Variants in PLEKHA7 observed in about 807,000 individuals in gnomAD.
The protein encoded by PLEKHA7 is pleckstrin homology domain containing A7, also known as pleckstrin homology domain-containing family A member 7.
A neutral mutation model predicts 170.0 loss-of-function variants in PLEKHA7; 104 were observed. The observed-to-expected ratio is 0.61, with a 90% CI of 0.52 to 0.72. The LOEUF is 0.72. PLEKHA7 is among the 30% of genes least tolerant of loss of function. The pLI is 0.00. For missense variants in PLEKHA7, 1,615 were observed against 1,671.7 expected, an observed-to-expected ratio of 0.97 and a Z score of 0.59; for synonymous variants, 648 against 660.8, an observed-to-expected ratio of 0.98 and a Z score of 0.30.
chr11:16,861,477 C>G (rs980195871), intron 4 of PLEKHA7, among the ~76,000 whole-genome samples: 1 of 151,920 alleles, frequency 6.6e-6, no homozygotes, highest in Non-Finnish European at 1.5e-5. Flanking sequence ...AATGAGACCC[C>G]GTCTCTATGA....
intron 3 of PLEKHA7, among the ~76,000 whole-genome samples, chr11:17,011,397 C>A (rs533671377): frequency 1.8e-4 from 28 of 152,076 alleles, no homozygotes; most frequent in Non-Finnish European, 4.1e-4. Context: ...CAATCTCCCA[C>A]CAAAAAAAAG....
intron 3 of PLEKHA7, among the ~76,000 whole-genome samples, chr11:16,893,605 T>C (rs1431447923): frequency 6.6e-6 from 1 of 152,158 alleles, no homozygotes; most frequent in Non-Finnish European, 1.5e-5. Flanking sequence ...TGGTAACTTT[T>C]CCCATTGCCT....
chr11:16,779,395 G>A (rs747199170), intron 26 of PLEKHA7, among the ~76,000 whole-genome samples: 57 of 152,192 alleles, frequency 3.7e-4, no homozygotes, highest in Non-Finnish European at 6.0e-4. Context: ...TTCTTAACAA[G>A]GATGCTTTGA....
At chr11:17,006,551 C>A (rs546697372) in intron 3 of PLEKHA7, among the ~76,000 whole-genome samples, 8 of 148,788 alleles carry the variant, frequency 5.4e-5, no homozygotes, top group African/African-American at 2.0e-4. Context: ...TCGCTTGAAC[C>A]CGGGAAGCAG....
chr11:16,781,140 G>T, intron 26 of PLEKHA7: 5 of 459,560 alleles, frequency 1.1e-5, no homozygotes, highest in Non-Finnish European at 1.4e-5. Flanking sequence ...AGGCTGGGGT[G>T]GCATGGGCCC....
At chr11:17,007,266 A>T (rs1215325476) in intron 3 of PLEKHA7, among the ~76,000 whole-genome samples, 1 of 152,204 alleles carries the variant, frequency 6.6e-6, no homozygotes, top group East Asian at 1.9e-4. Context: ...TAACTATAAA[A>T]TTTATGCTAA....
intron 19 of PLEKHA7, among the ~76,000 whole-genome samples, chr11:16,794,196 C>G (rs767591919): frequency 5.9e-5 from 9 of 151,846 alleles, no homozygotes; most frequent in African/African-American, 9.7e-5. Flanking sequence ...CTCTGCAGAT[C>G]ACAAACTCCA....
At chr11:16,897,730 A>G (rs1857085267) in intron 3 of PLEKHA7, among the ~76,000 whole-genome samples, 1 of 152,190 alleles carries the variant, frequency 6.6e-6, no homozygotes, top group African/African-American at 2.4e-5. Flanking sequence ...AGGAACACAA[A>G]GCAATTAGAA....
intron 3 of PLEKHA7, among the ~76,000 whole-genome samples, chr11:16,917,481 T>C (rs1858773499): frequency 6.6e-6 from 1 of 152,228 alleles, no homozygotes; most frequent in Non-Finnish European, 1.5e-5. Context: ...GCCGTGCTCC[T>C]CAGGAGGCCC....
chr11:16,928,536 C>T (rs970022261), intron 3 of PLEKHA7, among the ~76,000 whole-genome samples: 9 of 151,482 alleles, frequency 5.9e-5, no homozygotes, highest in Non-Finnish European at 8.8e-5. Flanking sequence ...ACTGCAGCCT[C>T]GACCTCCCAG....
intron 17 of PLEKHA7, among the ~76,000 whole-genome samples, chr11:16,800,276 T>C (rs1848505925): frequency 6.6e-6 from 1 of 152,052 alleles, no homozygotes; most frequent in South Asian, 2.1e-4. Flanking sequence ...AGCACCACAG[T>C]GGGGGAACAC....
At chr11:16,828,896 A>T (rs1850878020) in intron 9 of PLEKHA7, among the ~76,000 whole-genome samples, 1 of 152,258 alleles carries the variant, frequency 6.6e-6, no homozygotes, top group South Asian at 2.1e-4. Flanking sequence ...GTTAACACAA[A>T]GGAAAGCAGA....
intron 3 of PLEKHA7, among the ~76,000 whole-genome samples, chr11:16,935,399 G>A (rs983617219): frequency 1.1e-4 from 16 of 152,234 alleles, no homozygotes; most frequent in Admixed American, 9.2e-4. Context: ...TCCAGCCTGG[G>A]TGACAGAGTG....
intron 8 of PLEKHA7, chr11:16,842,517 T>A (rs1166489054): frequency 6.7e-6 from 1 of 148,602 alleles, no homozygotes; most frequent in Non-Finnish European, 1.5e-5. Flanking sequence ...GTGGACAGAG[T>A]TGACCAACAG....
chr11:16,855,143 G>A, intron 5 of PLEKHA7, 150 bp from the exon 6 acceptor site: 1 of 644,958 alleles, frequency 1.6e-6, no homozygotes. Flanking sequence ...CAGGGAACGG[G>A]CGTGCACATG....
chr11:16,902,686 G>C (rs555484230), intron 3 of PLEKHA7, among the ~76,000 whole-genome samples: 4 of 152,232 alleles, frequency 2.6e-5, no homozygotes, highest in Non-Finnish European at 5.9e-5. Flanking sequence ...TCTGGACAGA[G>C]ACACTCCCTG....
At chr11:16,915,867 G>A (rs1858628058) in intron 3 of PLEKHA7, among the ~76,000 whole-genome samples, 1 of 149,208 alleles carries the variant, frequency 6.7e-6, no homozygotes, top group African/African-American at 2.5e-5. Context: ...TAGTCCTTTG[G>A]GTATATACCC....
intron 3 of PLEKHA7, among the ~76,000 whole-genome samples, chr11:16,896,807 T>C (rs1043911126): frequency 5.3e-5 from 8 of 152,180 alleles, no homozygotes; most frequent in Non-Finnish European, 7.3e-5. Context: ...GCTCCAGGGG[T>C]GTCTCAGTAT....
intron 4 of PLEKHA7, among the ~76,000 whole-genome samples, chr11:16,860,864 C>T (rs1015996171): frequency 6.6e-6 from 1 of 152,168 alleles, no homozygotes; most frequent in East Asian, 1.9e-4. Context: ...CTGACTCCTC[C>T]ACAAGTCACA....
Sources: allele counts gnomAD v4.1 joint callset (sites outside exome capture counted in the v4.1 genomes callset), GRCh38; gene constraint gnomAD v4.1.1; transcripts MANE v1.5; gene names NCBI Gene and HGNC (gene_info 2026-07-23, HGNC 2026-07-21).